The following RBFOX1 variants were observed in gnomAD, a reference collection of about 807,000 sequenced individuals.
RBFOX1 encodes the protein RNA binding fox-1 homolog 1.
In RBFOX1, 8 loss-of-function variants were observed where a neutral mutation model predicts 57.7. That is an observed-to-expected ratio of 0.14 (90% confidence interval 0.08 to 0.25). The LOEUF (loss-of-function observed/expected upper bound fraction) is 0.25, where lower values mean the gene tolerates loss of function less well. Ranked by LOEUF, RBFOX1 falls within the 10% of genes least tolerant of loss-of-function variation. RBFOX1 has a pLI of 1.00. For synonymous variants in RBFOX1, 326 were observed against 222.4 expected (o/e 1.47, Z -4.15); for missense variants, 611 against 548.5 (o/e 1.11, Z -1.14).
chr16:6,469,169 A>G (rs145765053), intron 2 of RBFOX1, among the ~76,000 whole-genome samples: 1 of 152,338 alleles, frequency 6.6e-6, no homozygotes, highest in Non-Finnish European at 1.5e-5. Flanking sequence ...AGATCCTGGT[A>G]GAAAAGAAAA....
At chr16:6,361,977 A>C (rs2152870886) in intron 2 of RBFOX1, among the ~76,000 whole-genome samples, 1 of 152,250 alleles carries the variant, frequency 6.6e-6, no homozygotes, top group East Asian at 1.9e-4. Flanking sequence ...TATGATTTGA[A>C]GATACAGCTG....
At chr16:6,102,065 C>G (rs2096316544) in intron 1 of RBFOX1, among the ~76,000 whole-genome samples, 2 of 151,596 alleles carry the variant, frequency 1.3e-5, no homozygotes, top group South Asian at 4.2e-4. Flanking sequence ...ATTTTGTTTC[C>G]TATGTGTGTA....
chr16:6,422,852 G>C (rs1220085852), intron 2 of RBFOX1, among the ~76,000 whole-genome samples: 1 of 152,172 alleles, frequency 6.6e-6, no homozygotes, highest in Non-Finnish European at 1.5e-5. Flanking sequence ...GATTTGGCAA[G>C]GACAGAGATC....
At chr16:6,417,707 T>C (rs867734559) in intron 2 of RBFOX1, among the ~76,000 whole-genome samples, 11 of 146,556 alleles carry the variant, frequency 7.5e-5, no homozygotes, top group Non-Finnish European at 1.7e-4. Flanking sequence ...CCTTTCTTTT[T>C]AAAAAAAAAA....
intron 6 of RBFOX1, among the ~76,000 whole-genome samples, chr16:7,585,682 G>C (rs1185404070): frequency 6.6e-6 from 1 of 152,160 alleles, no homozygotes; most frequent in Non-Finnish European, 1.5e-5. Flanking sequence ...TGGGCTGTCT[G>C]TATTCAAGTG....
chr16:6,510,933 C>G (rs1343921916), intron 2 of RBFOX1, among the ~76,000 whole-genome samples: 1 of 151,876 alleles, frequency 6.6e-6, no homozygotes, highest in Non-Finnish European at 1.5e-5. Context: ...GCATGAAAGA[C>G]AAGGAGTGGA....
At chr16:5,252,994 G>A (rs1474703808) in intron 1 of RBFOX1, among the ~76,000 whole-genome samples, 2 of 152,260 alleles carry the variant, frequency 1.3e-5, no homozygotes, top group South Asian at 2.1e-4. Context: ...ATCCACCGCC[G>A]GTGTGCCTGA....
chr16:7,419,454 G>C lies in RBFOX1; in HGVS notation c.28-98693G>C, dbSNP rs189359184. Among the ~76,000 whole-genome samples, 450 of 152,316 alleles carry C rather than the reference G, an allele frequency of 3.0e-3. 3 individuals are homozygous for C. The highest frequency in any genetic ancestry group is 0.01 in the African/African-American group (419 of 41,578). ...ACTCCCGCCTTGGCGCAATGCAACC[G>C]GCACCTTTGAGGGGGCAGATTGTAT... On this transcript the variant is annotated intron_variant, in intron 4 of 15. Transcript: ENST00000550418.
chr16:6,078,590 C>T (rs927891712), intron 1 of RBFOX1, among the ~76,000 whole-genome samples: 2 of 152,200 alleles, frequency 1.3e-5, no homozygotes, highest in African/African-American at 4.8e-5. Flanking sequence ...TAGTTAACCT[C>T]TCTGATCATT....
chr16:7,051,837 C>T (rs544354169), intron 3 of RBFOX1, among the ~76,000 whole-genome samples: 1 of 152,196 alleles, frequency 6.6e-6, no homozygotes, highest in African/African-American at 2.4e-5. Context: ...CTCCTCTTCC[C>T]CTTTCCAGTC....
intron 4 of RBFOX1, among the ~76,000 whole-genome samples, chr16:7,292,415 A>G (rs1266784176): frequency 1.4e-5 from 2 of 142,064 alleles, no homozygotes; most frequent in Admixed American, 7.3e-5. Context: ...GTATTATATT[A>G]TATATATAAG....
intron 3 of RBFOX1, among the ~76,000 whole-genome samples, chr16:6,823,856 T>C (rs1049550430): frequency 1.3e-5 from 2 of 152,142 alleles, no homozygotes; most frequent in African/African-American, 4.8e-5. Context: ...GGCTCTGTGC[T>C]GTGGGCTGGG....
chr16:6,948,523 G>C (rs7199072), intron 3 of RBFOX1, among the ~76,000 whole-genome samples: 2 of 150,824 alleles, frequency 1.3e-5, no homozygotes, highest in African/African-American at 4.9e-5. Flanking sequence ...GCTTGGACTA[G>C]AGGCGCCCAC....
chr16:5,917,811 G>T (rs563281731), intron 4 of RBFOX1, among the ~76,000 whole-genome samples: 1 of 152,220 alleles, frequency 6.6e-6, no homozygotes, highest in East Asian at 1.9e-4. Flanking sequence ...TTCATACCGG[G>T]TTGTGACTCT....
intron 2 of RBFOX1, among the ~76,000 whole-genome samples, chr16:6,622,707 C>G (rs1192192599): frequency 1.3e-5 from 2 of 152,110 alleles, no homozygotes; most frequent in Admixed American, 1.3e-4. Context: ...TCTCTTTCCT[C>G]CTGAGATTTT....
intron 11 of RBFOX1, among the ~76,000 whole-genome samples, chr16:7,631,507 A>G (rs2060956164): frequency 6.6e-6 from 1 of 152,182 alleles, no homozygotes; most frequent in African/African-American, 2.4e-5. Flanking sequence ...CTTCTTAAAG[A>G]ATCTCCCAGC....
chr16:7,668,433 G>A (rs1380139167), intron 13 of RBFOX1, among the ~76,000 whole-genome samples: 1 of 152,096 alleles, frequency 6.6e-6, no homozygotes, highest in Non-Finnish European at 1.5e-5. Flanking sequence ...CTGTGAGCCA[G>A]ACACGAAGGG....
intron 6 of RBFOX1, among the ~76,000 whole-genome samples, chr16:7,580,473 T>G (rs1176264064): frequency 6.6e-6 from 1 of 151,432 alleles, no homozygotes; most frequent in East Asian, 1.9e-4. Flanking sequence ...GAGCTACCAG[T>G]TTCTAAGTCC....
chr16:7,424,888 A>T (rs2098595098), intron 4 of RBFOX1, among the ~76,000 whole-genome samples: 1 of 152,084 alleles, frequency 6.6e-6, no homozygotes, highest in Admixed American at 6.5e-5. Context: ...CCCCCTACTG[A>T]GGTAAAATTT....
Sources: allele counts gnomAD v4.1 joint callset (sites outside exome capture counted in the v4.1 genomes callset), GRCh38; gene constraint gnomAD v4.1.1; transcripts MANE v1.5; gene names NCBI Gene and HGNC (gene_info 2026-07-23, HGNC 2026-07-21).